NDUFS4: variants seen among roughly 807,000 people sequenced by gnomAD.
NDUFS4 encodes the protein NADH dehydrogenase [ubiquinone] iron-sulfur protein 4, mitochondrial.
In NDUFS4, 28 loss-of-function variants were observed where a neutral mutation model predicts 24.3. The observed-to-expected ratio is 1.15, with a 90% confidence interval of 0.85 to 1.58. The LOEUF is 1.58. Among genes scored for constraint, NDUFS4 ranks in the 40% most tolerant of loss-of-function variants. NDUFS4 has a pLI of 0.00. For missense variants in NDUFS4, 223 were observed against 207.9 expected, an observed-to-expected ratio of 1.07 and a Z score of -0.45; for synonymous variants, 93 against 69.7, an observed-to-expected ratio of 1.34 and a Z score of -1.67.
intron 2 of NDUFS4, among the ~76,000 whole-genome samples, chr5:53,632,175 C>T (rs915103025): frequency 1.3e-5 from 2 of 152,200 alleles, no homozygotes; most frequent in African/African-American, 4.8e-5. Context: ...CCAGAAAATA[C>T]AGTTAATGAT....
chr5:53,609,975 G>C (rs1049757610), intron 2 of NDUFS4, among the ~76,000 whole-genome samples: 9 of 152,100 alleles, frequency 5.9e-5, no homozygotes, highest in Admixed American at 3.3e-4. Flanking sequence ...TAGCAATAAG[G>C]CTGTCTCTTT....
intron 2 of NDUFS4, among the ~76,000 whole-genome samples, chr5:53,607,315 T>C (rs913008985): frequency 1.3e-5 from 2 of 152,146 alleles, no homozygotes; most frequent in African/African-American, 4.8e-5. Context: ...CTCAATCACA[T>C]CCATGGCAGA....
At chr5:53,657,425 G>A (rs1183116980) in intron 3 of NDUFS4, among the ~76,000 whole-genome samples, 1 of 152,144 alleles carries the variant, frequency 6.6e-6, no homozygotes, top group Non-Finnish European at 1.5e-5. Context: ...GCAGTAATTA[G>A]TGGGTCTTCC....
chr5:53,653,986 A>G (rs1423022841), intron 3 of NDUFS4, among the ~76,000 whole-genome samples: 1 of 152,138 alleles, frequency 6.6e-6, no homozygotes, highest in Non-Finnish European at 1.5e-5. Flanking sequence ...CTAGTTATAT[A>G]ATCTAACAAT....
intron 3 of NDUFS4, among the ~76,000 whole-genome samples, chr5:53,647,317 C>A (rs562107003): frequency 6.6e-6 from 1 of 152,008 alleles, no homozygotes; most frequent in Admixed American, 6.6e-5. Context: ...GATGATCAAG[C>A]GGTCCTCCCA....
At chr5:53,628,092 G>C (rs1002687030) in intron 2 of NDUFS4, among the ~76,000 whole-genome samples, 5 of 152,098 alleles carry the variant, frequency 3.3e-5, no homozygotes, top group African/African-American at 4.8e-5. Context: ...TAGCATGAAG[G>C]GCTGTTGAAT....
chr5:53,654,552 A>C (rs1752110525), intron 3 of NDUFS4, among the ~76,000 whole-genome samples: 1 of 152,050 alleles, frequency 6.6e-6, no homozygotes, highest in African/African-American at 2.4e-5. Context: ...GGTCTTCATT[A>C]TGTATATCTC....
chr5:53,642,098 A>G (rs1751722484), intron 2 of NDUFS4, among the ~76,000 whole-genome samples: 1 of 152,122 alleles, frequency 6.6e-6, no homozygotes, highest in South Asian at 2.1e-4. Context: ...CAAAGTGCAA[A>G]AACCTTACAT....
chr5:53,676,344 G>T (rs1190639172), intron 4 of NDUFS4, among the ~76,000 whole-genome samples: 2 of 152,132 alleles, frequency 1.3e-5, no homozygotes, highest in African/African-American at 4.8e-5. Flanking sequence ...TATCCCTCGG[G>T]ATATACATGG....
intron 2 of NDUFS4, among the ~76,000 whole-genome samples, chr5:53,626,261 C>A (rs967192115): frequency 6.6e-6 from 1 of 152,082 alleles, no homozygotes; most frequent in African/African-American, 2.4e-5. Flanking sequence ...GTATATGTGC[C>A]ACATTTTCTT....
At chr5:53,598,275 T>C (rs1304508688) in intron 1 of NDUFS4, among the ~76,000 whole-genome samples, 1 of 152,206 alleles carries the variant, frequency 6.6e-6, no homozygotes, top group African/African-American at 2.4e-5. Context: ...GTGGCAAATT[T>C]AATGTCCACA....
chr5:53,603,353 A>G, intron 1 of NDUFS4, 99 bp from the exon 2 acceptor site: 3 of 539,862 alleles, frequency 5.6e-6, no homozygotes, highest in South Asian at 2.9e-5. Flanking sequence ...TTTTTTTTTA[A>G]TAAGACAGAT....
chr5:53,669,339 C>G (rs772876617), intron 4 of NDUFS4, among the ~76,000 whole-genome samples: 2 of 152,174 alleles, frequency 1.3e-5, no homozygotes, highest in Non-Finnish European at 2.9e-5. Flanking sequence ...TGTCTGTGTT[C>G]CAACTCTTAC....
chr5:53,562,529 C>T (rs1748881877), intron 1 of NDUFS4, among the ~76,000 whole-genome samples: 1 of 151,936 alleles, frequency 6.6e-6, no homozygotes, highest in South Asian at 2.1e-4. Flanking sequence ...GAGTTTTTGC[C>T]TGCAAATGTA....
intron 1 of NDUFS4, among the ~76,000 whole-genome samples, chr5:53,596,087 G>A (rs1750124495): frequency 6.6e-6 from 1 of 152,028 alleles, no homozygotes; most frequent in Admixed American, 6.6e-5. Context: ...CAAAGCATTT[G>A]TGGGTTCTTT....
intron 2 of NDUFS4, among the ~76,000 whole-genome samples, chr5:53,645,477 ACTCTG>A (rs1751834526): frequency 6.6e-6 from 1 of 152,098 alleles, no homozygotes; most frequent in Admixed American, 6.6e-5. Flanking sequence ...AAATGTATCT[ACTCTG>A]GGGCATCAAA....
intron 2 of NDUFS4, among the ~76,000 whole-genome samples, chr5:53,637,452 A>C (rs1299031188): frequency 6.6e-6 from 1 of 152,204 alleles, no homozygotes; most frequent in Non-Finnish European, 1.5e-5. Flanking sequence ...CTGTTACAAG[A>C]ACAGATTCTT....
intron 2 of NDUFS4, among the ~76,000 whole-genome samples, chr5:53,607,249 C>A (rs1047882088): frequency 2.0e-5 from 3 of 152,164 alleles, no homozygotes; most frequent in African/African-American, 7.2e-5. Context: ...GTTTTTCAAC[C>A]GTTGTGCCCA....
intron 2 of NDUFS4, among the ~76,000 whole-genome samples, chr5:53,640,214 C>T (rs1360418756): frequency 2.0e-5 from 3 of 151,038 alleles, no homozygotes; most frequent in Admixed American, 6.6e-5. Context: ...CAGGGGTAGA[C>T]GGAAGGATGT....
Sources: gnomAD v4.1 joint callset for allele counts (sites outside exome capture counted in the v4.1 genomes callset) on GRCh38, gnomAD v4.1.1 for gene constraint, MANE v1.5 for transcripts, NCBI Gene and HGNC (gene_info 2026-07-23, HGNC 2026-07-21) for gene names.